SLC25A44: variants seen among roughly 807,000 people sequenced by gnomAD.
The protein encoded by SLC25A44 is solute carrier family 25 member 44, also known as solute carrier family 25, member 44.
A neutral mutation model predicts 29.9 loss-of-function variants in SLC25A44; 17 were observed. The ratio of observed to expected loss-of-function variants is 0.57; its 90% CI spans 0.39 to 0.85. The LOEUF (loss-of-function observed/expected upper bound fraction) is 0.85. SLC25A44 is among the 40% of genes least tolerant of loss of function. The probability of loss-of-function intolerance (pLI) is 0.00; values close to 1 mark genes in which losing one functional copy is unlikely to be tolerated. For missense variants in SLC25A44, 302 were observed against 398.4 expected (o/e 0.76, Z 2.06); for synonymous variants, 140 against 151.8 (o/e 0.92, Z 0.57).
chr1:156,203,216 G>A (rs1468305703), intron 2 of SLC25A44, among the ~76,000 whole-genome samples: 1 of 152,058 alleles, frequency 6.6e-6, no homozygotes, highest in Non-Finnish European at 1.5e-5. Context: ...TTCTCTGCCC[G>A]GACACCCTTT....
At chr1:156,197,006 C>G (rs1656249699) in intron 1 of SLC25A44, 1 of 152,226 alleles carries the variant, frequency 6.6e-6, no homozygotes, top group African/African-American at 2.4e-5. Flanking sequence ...GGGCCTGTTA[C>G]TTTTAACCTA....
chr1:156,198,919 C>G lies in SLC25A44; in HGVS notation c.-13-916C>G, dbSNP rs1021109852. ...TTGAAAGCATGGGGTCCAACGTGTT[C>G]TGTACTCTGTAGTTCCCCAGACTCT... On this transcript the variant is annotated intron_variant, in intron 1 of 3. Transcript: ENST00000359511. The surrounding 1 kb of genome is among the most constrained non-coding windows in gnomAD (Gnocchi z 4.1). 9 of 152,278 alleles carry G rather than the reference C, an allele frequency of 5.9e-5. No individual in the cohort carries two copies. Among genetic ancestry groups the G allele is most frequent in the Non-Finnish European group, 1.2e-4 (8 of 68,052 alleles). The allele number at this position is 152,278 out of a possible 1,614,324, so 9.4% of individuals were successfully genotyped here.
chr1:156,196,310 T>A (rs1274227546), intron 1 of SLC25A44: 4 of 152,150 alleles, frequency 2.6e-5, no homozygotes, highest in African/African-American at 9.7e-5. Context: ...TTTGAAGGGG[T>A]AAAGGGAGTG....
intron 3 of SLC25A44, among the ~76,000 whole-genome samples, chr1:156,209,064 C>T (rs1316252392): frequency 6.6e-6 from 1 of 152,106 alleles, no homozygotes; most frequent in Non-Finnish European, 1.5e-5. Flanking sequence ...TTCCCTAGTA[C>T]CAGGATGTTG....
intron 1 of SLC25A44, among the ~76,000 whole-genome samples, chr1:156,195,763 G>T (rs747131205): frequency 2.6e-5 from 4 of 152,164 alleles, no homozygotes; most frequent in Non-Finnish European, 5.9e-5. Flanking sequence ...TGTTCTTTCC[G>T]TTGTATGACC....
chr1:156,211,056 T>TTTTG lies in SLC25A44; in HGVS notation c.*626_*627insTTGT, dbSNP rs879145180. The TTTTG allele has an allele frequency of 4.3e-5, 6 of 138,966 alleles. No homozygotes were observed. The highest frequency in any genetic ancestry group is 2.4e-4 in the South Asian group (1 of 4,100). 8.6% of individuals were successfully genotyped at this position (138,966 alleles called of 1,614,324 possible). The stretch of plus-strand genomic sequence containing the variant: ...TGGGAGAAATGTTGATACTTTTGTT[T>TTTTG]TGTGTGTGTGTGTGTGTGTGTGTGT... On this transcript the variant is annotated 3_prime_UTR_variant, in exon 4 of 4. Transcript: ENST00000359511.
At chr1:156,206,147 A>G (rs1454717364) in intron 2 of SLC25A44, among the ~76,000 whole-genome samples, 1 of 152,184 alleles carries the variant, frequency 6.6e-6, no homozygotes, top group Non-Finnish European at 1.5e-5. Context: ...AAGTTAAGAA[A>G]GGGTATGTAG....
intron 2 of SLC25A44, among the ~76,000 whole-genome samples, chr1:156,206,406 T>G (rs1266966361): frequency 6.6e-6 from 1 of 152,000 alleles, no homozygotes; most frequent in Non-Finnish European, 1.5e-5. Context: ...TCCGGTTAAT[T>G]TTTGTATTTT....
chr1:156,202,226 CT>C (rs1302206400), intron 2 of SLC25A44, among the ~76,000 whole-genome samples: 1 of 152,220 alleles, frequency 6.6e-6, no homozygotes. Context: ...AACCATGCCT[CT>C]GTTACCTTCC....
chr1:156,196,308 G>A (rs774965438), intron 1 of SLC25A44: 5 of 152,218 alleles, frequency 3.3e-5, no homozygotes, highest in African/African-American at 4.8e-5. Context: ...CTTTTGAAGG[G>A]GTAAAGGGAG....
At chr1:156,205,184 T>C (rs1656853466) in intron 2 of SLC25A44, among the ~76,000 whole-genome samples, 1 of 152,068 alleles carries the variant, frequency 6.6e-6, no homozygotes. Context: ...GCTGGGATTA[T>C]AGGCATGCGC....
At chr1:156,195,881 G>C (rs1053112305) in intron 1 of SLC25A44, among the ~76,000 whole-genome samples, 1 of 152,280 alleles carries the variant, frequency 6.6e-6, no homozygotes. Context: ...TAGAGGTGGA[G>C]AGGAGGAGGC....
In SLC25A44 at chr1:156,207,259, A is replaced by G. The variant is rs1166104192; in HGVS notation, c.626-627A>G. On this transcript the variant is annotated intron_variant, in intron 2 of 3. Transcript: ENST00000359511. ...GTGGCGCGATCTTGGCTCACTGCAA[A>G]CTCCGCCTCCCAGGTTCATGCCATT... 4.0e-5 allele frequency among the ~76,000 whole-genome samples: 6 copies of G among 150,730 alleles called. No homozygotes were observed. In the East Asian group the frequency reaches 9.8e-4, roughly 25 times the overall value.
intron 3 of SLC25A44, among the ~76,000 whole-genome samples, chr1:156,209,553 G>A (rs1434793981): frequency 6.6e-6 from 1 of 152,176 alleles, no homozygotes; most frequent in African/African-American, 2.4e-5. Flanking sequence ...TTCTAAAGGT[G>A]TAGTTTAGGG....
At chr1:156,199,547 G>A (rs1162420142) in intron 1 of SLC25A44, 4 of 410,606 alleles carry the variant, frequency 9.7e-6, no homozygotes, top group East Asian at 4.7e-5. Context: ...GTAGGGAGCC[G>A]AGGAGGCCAT....
chr1:156,201,316 G>C (rs1397636501), intron 2 of SLC25A44, among the ~76,000 whole-genome samples: 1 of 152,146 alleles, frequency 6.6e-6, no homozygotes, highest in African/African-American at 2.4e-5. Flanking sequence ...AAAGGGCAGG[G>C]TGCATTGTTG....
rs562595751 is a variant in SLC25A44 at position 156,195,134 on chromosome 1, C to T, written c.-14+887C>T. Among the ~76,000 whole-genome samples the T allele has an allele frequency of 3.3e-3, 482 of 147,588 alleles. 2 individuals are homozygous for T. The highest frequency in any genetic ancestry group is 7.0e-3 in the Middle Eastern group (2 of 284). On this transcript the variant is annotated intron_variant, in intron 1 of 3. Transcript: ENST00000359511. The stretch of plus-strand genomic sequence containing the variant: ...TTTTTTTTTTTTTGAGACAGAGTCT[C>T]GCTCTGTTACCCAGGCTGGAGGGCA...
Position 156,207,989 on chromosome 1 carries a change from G to A in SLC25A44, c.729G>A (p.Met243Ile), listed in dbSNP as rs1470088996. ...CTGCCTCCATCCTCACCAATCCCATGGATGTCATACGAACCCGTGTGCAGG... is the reference window on the plus strand; with the variant it reads ...CTGCCTCCATCCTCACCAATCCCATAGATGTCATACGAACCCGTGTGCAGG... ...AATASILTNP[M>I]DVIRTRVQVE... is the part of the protein sequence containing the mutation. The change falls in exon 3 of 4, where the codon ATG (methionine) becomes ATA (isoleucine). Residue 243 changes from methionine (M) to isoleucine (I), a missense_variant. Coordinates refer to ENST00000359511, the MANE Select transcript of SLC25A44 (RefSeq NM_014655.4). The A allele has an allele frequency of 1.2e-6, 2 of 1,614,016 alleles. No homozygotes were observed. The highest frequency in any genetic ancestry group is 2.7e-5 in the African/African-American group (2 of 74,906).
intron 2 of SLC25A44, among the ~76,000 whole-genome samples, chr1:156,207,017 C>T (rs967785514): frequency 6.6e-6 from 1 of 152,138 alleles, no homozygotes; most frequent in Admixed American, 6.6e-5. Flanking sequence ...TGAAATCTCC[C>T]TCTCCAAGGA....
Sources: gnomAD v4.1 joint callset for allele counts (sites outside exome capture counted in the v4.1 genomes callset) on GRCh38, gnomAD v4.1.1 for gene constraint, Gnocchi (gnomAD v3.1) non-coding constraint, MANE v1.5 for transcripts, NCBI Gene and HGNC (gene_info 2026-07-23, HGNC 2026-07-21) for gene names.